Variants in FRMD8 observed in about 807,000 individuals in gnomAD.
FRMD8 encodes the protein FERM domain containing 8.
A neutral mutation model predicts 54.2 loss-of-function variants in FRMD8; 37 were observed. That is an observed-to-expected ratio of 0.68 (90% CI 0.53 to 0.90). The LOEUF is 0.90. Ranked by LOEUF, FRMD8 falls within the 40% of genes least tolerant of loss-of-function variation. The pLI is 0.00. For missense variants in FRMD8, 585 were observed against 653.7 expected (o/e 0.89, Z 1.15); for synonymous variants, 246 against 286.9 (o/e 0.86, Z 1.44).
At chr11:65,409,895 C>T (rs975924629) in intron 10 of FRMD8, among the ~76,000 whole-genome samples, 17 of 151,796 alleles carry the variant, frequency 1.1e-4, no homozygotes, top group East Asian at 5.8e-4. Flanking sequence ...CCTGGGCAAT[C>T]GAGCAAGACC....
At chr11:65,370,323 C>T in the FRMD8 span, among the ~76,000 whole-genome samples, 102 of 151,512 alleles carry the variant, frequency 6.7e-4, no homozygotes, top group African/African-American at 2.3e-3. Flanking sequence ...TTGCAGGCTG[C>T]GGGAGGGAGC....
chr11:65,390,295 C>T (rs1590647558), intron 3 of FRMD8, among the ~76,000 whole-genome samples: 2 of 152,190 alleles, frequency 1.3e-5, no homozygotes, highest in African/African-American at 4.8e-5. Context: ...CTGGTTCGCA[C>T]AGGAGGGGGC....
At chr11:65,374,004 C>T in the FRMD8 span, among the ~76,000 whole-genome samples, 1 of 140,906 alleles carries the variant, frequency 7.1e-6, no homozygotes, top group Non-Finnish European at 1.6e-5. Context: ...ACTGTTGCAA[C>T]AAGGGCCTAA....
chr11:65,395,437 G>T (rs760203788), intron 6 of FRMD8, among the ~76,000 whole-genome samples: 1 of 152,194 alleles, frequency 6.6e-6, no homozygotes, highest in Non-Finnish European at 1.5e-5. Flanking sequence ...TACTCGGGAG[G>T]CTGAGGCAGG....
chr11:65,405,316 C>T lies in FRMD8; in HGVS notation c.1276+248C>T, dbSNP rs567266068. Among the ~76,000 whole-genome samples, 5 of 152,356 alleles carry T rather than the reference C, an allele frequency of 3.3e-5. No homozygotes were observed. In the South Asian group the frequency reaches 1.0e-3, roughly 32 times the overall value. ...GGATGTGATCCGGGAAACGACTCAA[C>T]ATCTGTTACTGAAGTGTTGGGTAGG... is the stretch of plus-strand genomic sequence containing the variant. On this transcript the variant is annotated intron_variant, in intron 10 of 10. Coordinates refer to ENST00000317568, the MANE Select transcript of FRMD8 (RefSeq NM_031904.5).
At chr11:65,389,858 G>A (rs991971675) in intron 3 of FRMD8, among the ~76,000 whole-genome samples, 4 of 152,200 alleles carry the variant, frequency 2.6e-5, no homozygotes, top group Non-Finnish European at 4.4e-5. Flanking sequence ...CATAACCTTT[G>A]CCACAACCTG....
chr11:65,397,550 C>T (rs1855983253), intron 7 of FRMD8, among the ~76,000 whole-genome samples: 1 of 152,188 alleles, frequency 6.6e-6, no homozygotes, highest in Non-Finnish European at 1.5e-5. Flanking sequence ...AGATGCAGGA[C>T]GTTCTGAGGG....
Position 65,411,527 on chromosome 11 carries a change from C to T in FRMD8, c.*167C>T. On this transcript the variant is annotated 3_prime_UTR_variant, in exon 11 of 11. Transcript: ENST00000317568. ...AGTGACTTTTGGGCCCGGGGCCATG[C>T]CCGGGCTGTGCAAAGCTGGCCAGGG... The T allele has an allele frequency of 1.9e-6, 1 of 517,872 alleles. No individual in the cohort carries two copies. Among genetic ancestry groups the T allele is most frequent in the East Asian group, 3.3e-5 (1 of 30,626 alleles). The allele number at this position is 517,872 out of a possible 1,614,324, so 32.1% of individuals were successfully genotyped here.
chr11:65,404,855 C>G lies in FRMD8; in HGVS notation c.1072-9C>G, dbSNP rs1856156396. 6.2e-7 allele frequency: 1 copy of G among 1,607,318 alleles called. No homozygotes were observed. The highest frequency in any genetic ancestry group is 1.1e-5 in the South Asian group (1 of 90,912). On this transcript the variant is annotated splice_polypyrimidine_tract_variant and intron_variant, in intron 9 of 10. Transcript: ENST00000317568. The surrounding 1 kb of genome is among the most constrained non-coding windows in gnomAD (Gnocchi z 4.7). ...CTGGCCAGGCCTCACACTGCCCCCT[C>G]CTCCCCAGGCCGAACTGATGAGCAG...
At position 65,386,742 on chromosome 11, in the gene FRMD8, G is replaced by A; in HGVS notation, c.-20G>A. 2.4e-6 allele frequency: 1 copy of A among 410,758 alleles called. No homozygotes were observed. The highest frequency in any genetic ancestry group is 4.3e-6 in the Non-Finnish European group (1 of 230,122). The allele number at this position is 410,758 out of a possible 1,614,324, so 25.4% of individuals were successfully genotyped here. A position where few individuals can be genotyped will look rare whatever the true frequency, so the allele number is the denominator to read the frequency against. ...GCAGGAGCCTTGCCTCTCAGGTGGC[G>A]GGCTCTGCGACCCTGCGAGGTGAGA... On this transcript the variant is annotated 5_prime_UTR_variant, in exon 1 of 11. Transcript: ENST00000317568.
chr11:65,392,645 C>T (rs1324229375), intron 3 of FRMD8, among the ~76,000 whole-genome samples: 1 of 152,168 alleles, frequency 6.6e-6, no homozygotes, highest in African/African-American at 2.4e-5. Context: ...GGCTGGACTG[C>T]TGCACTTGGT....
chr11:65,394,464 G>A, intron 6 of FRMD8, 39 bp downstream of exon 6: 2 of 1,538,002 alleles, frequency 1.3e-6, no homozygotes, highest in East Asian at 2.4e-5. Context: ...GCGCTGGGTG[G>A]GGGAGTTTGT....
chr11:65,370,858 A>T, the FRMD8 span, among the ~76,000 whole-genome samples: 1 of 152,094 alleles, frequency 6.6e-6, no homozygotes, highest in Non-Finnish European at 1.5e-5. Flanking sequence ...TGAGCCCAGG[A>T]ATTCGAGACC....
Position 65,399,850 on chromosome 11 carries a change from C to A in FRMD8, c.918C>A (p.Ser306Arg). The change falls in exon 8 of 11, where the codon AGC (serine) becomes AGA (arginine). Residue 306 changes from serine (S) to arginine (R), a missense_variant. Transcript: ENST00000317568. ...ISLEGVHVID[S>R]REKHVLLGLR... ...TGGAAGGCGTGCACGTCATCGATAGCAGAGAGAAGGTACTGCCCCCAGCTC... is the reference window on the plus strand; with the variant it reads ...TGGAAGGCGTGCACGTCATCGATAGAAGAGAGAAGGTACTGCCCCCAGCTC... 1 of 1,613,152 alleles carries A rather than the reference C, an allele frequency of 6.2e-7. No individual in the cohort carries two copies.
chr11:65,410,086 C>T (rs949089133), intron 10 of FRMD8, among the ~76,000 whole-genome samples: 8 of 151,932 alleles, frequency 5.3e-5, no homozygotes, highest in Admixed American at 3.3e-4. Flanking sequence ...ACCACAAAGG[C>T]GGGACATGGT....
intron 3 of FRMD8, among the ~76,000 whole-genome samples, chr11:65,393,023 A>G (rs931048012): frequency 6.6e-6 from 1 of 152,106 alleles, no homozygotes; most frequent in Non-Finnish European, 1.5e-5. Context: ...GAGAGAGGAG[A>G]TAAGGTGGGA....
At chr11:65,405,172 G>A (rs908008367) in intron 10 of FRMD8, 104 bp downstream of exon 10, 13 of 1,116,464 alleles carry the variant, frequency 1.2e-5, no homozygotes, top group Non-Finnish European at 1.7e-5. Flanking sequence ...TCCAGACCCA[G>A]TGTGAGCTGG....
chr11:65,392,105 G>T (rs2137875853), intron 3 of FRMD8, among the ~76,000 whole-genome samples: 2 of 152,374 alleles, frequency 1.3e-5, no homozygotes, highest in South Asian at 4.1e-4. Context: ...CCTACTGGAG[G>T]TGGTGACAGA....
At chr11:65,386,810 T>A in intron 1 of FRMD8, 49 bp downstream of exon 1, 1 of 521,146 alleles carries the variant, frequency 1.9e-6, no homozygotes, top group Non-Finnish European at 3.4e-6. Context: ...CGGCTGGGCG[T>A]GCGCCTTGCC....
Sources: allele counts gnomAD v4.1 joint callset (sites outside exome capture counted in the v4.1 genomes callset), GRCh38; gene constraint gnomAD v4.1.1; non-coding constraint Gnocchi (gnomAD v3.1); transcripts MANE v1.5; gene names NCBI Gene and HGNC (gene_info 2026-07-23, HGNC 2026-07-21).